Variants in KIF16B observed in about 807,000 individuals in gnomAD.
KIF16B encodes kinesin family member 16B, also known as kinesin-like protein KIF16B.
A neutral mutation model predicts 156.3 loss-of-function variants in KIF16B; 98 were observed. The ratio of observed to expected loss-of-function variants is 0.63; its 90% confidence interval spans 0.53 to 0.74. The LOEUF is 0.74. KIF16B is among the 30% of genes least tolerant of loss of function. KIF16B has a pLI of 0.00. For missense variants in KIF16B, 1,421 were observed against 1,606.5 expected (o/e 0.88, Z 1.97); for synonymous variants, 564 against 583.7 (o/e 0.97, Z 0.49).
At chr20:16,370,542 C>T (rs1436705478) in intron 22 of KIF16B, 44 bp downstream of exon 22, 3 of 1,472,214 alleles carry the variant, frequency 2.0e-6, no homozygotes, top group Non-Finnish European at 2.7e-6. Context: ...ATGAGCATGC[C>T]ATAATTTAAG....
chr20:16,434,405 A>G (rs1276267746), intron 12 of KIF16B, among the ~76,000 whole-genome samples: 1 of 152,174 alleles, frequency 6.6e-6, no homozygotes, highest in Non-Finnish European at 1.5e-5. Context: ...TTTAATCACA[A>G]CCACATCCTT....
intron 1 of KIF16B, among the ~76,000 whole-genome samples, chr20:16,563,292 G>C (rs1312216729): frequency 6.6e-6 from 1 of 152,128 alleles, no homozygotes; most frequent in Non-Finnish European, 1.5e-5. Flanking sequence ...AGCCAGTGCT[G>C]ACCAACCTCC....
At chr20:16,421,266 T>C (rs1212635625) in intron 15 of KIF16B, among the ~76,000 whole-genome samples, 1 of 152,172 alleles carries the variant, frequency 6.6e-6, no homozygotes, top group Non-Finnish European at 1.5e-5. Flanking sequence ...CTACTATATT[T>C]AATGCTGTTC....
At chr20:16,301,871 A>C (rs2063477153) in intron 25 of KIF16B, among the ~76,000 whole-genome samples, 2 of 152,160 alleles carry the variant, frequency 1.3e-5, no homozygotes. Flanking sequence ...GCTGGTCTCG[A>C]ACTCCTGACC....
chr20:16,285,212 A>T (rs1267757716), intron 25 of KIF16B, among the ~76,000 whole-genome samples: 1 of 152,164 alleles, frequency 6.6e-6, no homozygotes, highest in Non-Finnish European at 1.5e-5. Flanking sequence ...AAGATTCTGG[A>T]GTAACCATGC....
intron 5 of KIF16B, 118 bp downstream of exon 5, chr20:16,512,708 G>A (rs1241039288): frequency 1.6e-6 from 1 of 631,652 alleles, no homozygotes; most frequent in East Asian, 2.7e-5. Flanking sequence ...GAGGGGAAAA[G>A]GGAAGACTTT....
At chr20:16,511,876 G>T (rs1420695438) in intron 5 of KIF16B, among the ~76,000 whole-genome samples, 1 of 152,160 alleles carries the variant, frequency 6.6e-6, no homozygotes, top group South Asian at 2.1e-4. Flanking sequence ...TTAGGCCAGG[G>T]GTGGTGGCTC....
chr20:16,423,720 TCTGTACCAGC>T (rs1030125149), intron 15 of KIF16B, among the ~76,000 whole-genome samples: 3 of 152,090 alleles, frequency 2.0e-5, no homozygotes, highest in African/African-American at 7.2e-5. Flanking sequence ...TCATCATAAC[TCTGTACCAGC>T]CTGTACCAGC....
chr20:16,394,606 T>C (rs2065447844), intron 17 of KIF16B, among the ~76,000 whole-genome samples: 3 of 151,734 alleles, frequency 2.0e-5, no homozygotes, highest in Admixed American at 2.0e-4. Flanking sequence ...CCCAATAAAA[T>C]AAACCAGTAG....
chr20:16,343,556 T>C (rs2064178562), intron 23 of KIF16B, among the ~76,000 whole-genome samples: 1 of 152,212 alleles, frequency 6.6e-6, no homozygotes, highest in South Asian at 2.1e-4. Flanking sequence ...TTAGAAGAAA[T>C]AGTCTAATAG....
chr20:16,524,695 T>G (rs1311837263), intron 3 of KIF16B, among the ~76,000 whole-genome samples: 2 of 152,204 alleles, frequency 1.3e-5, no homozygotes, highest in Non-Finnish European at 2.9e-5. Flanking sequence ...CAAAGGATTA[T>G]AAATCATTCT....
At chr20:16,434,044 C>T (rs2066576571) in intron 12 of KIF16B, among the ~76,000 whole-genome samples, 1 of 152,024 alleles carries the variant, frequency 6.6e-6, no homozygotes, top group African/African-American at 2.4e-5. Context: ...AAGATTTTGG[C>T]AACCATGCTT....
intron 25 of KIF16B, among the ~76,000 whole-genome samples, chr20:16,280,118 GT>G (rs973228314): frequency 5.9e-5 from 9 of 152,226 alleles, no homozygotes; most frequent in Non-Finnish European, 1.3e-4. Flanking sequence ...ATGCTTTGGA[GT>G]TACTGGAAAA....
chr20:16,366,958 C>T (rs1476423447), intron 22 of KIF16B: 51 of 1,280,238 alleles, frequency 4.0e-5, no homozygotes, highest in Admixed American at 3.7e-5. Flanking sequence ...TGGGGCTCTG[C>T]TATTAGCTGT....
intron 24 of KIF16B, among the ~76,000 whole-genome samples, chr20:16,332,902 T>C (rs1002481266): frequency 6.6e-6 from 1 of 152,202 alleles, no homozygotes; most frequent in African/African-American, 2.4e-5. Flanking sequence ...AAAAGTATCC[T>C]CAAATTAATG....
chr20:16,527,037 C>G (rs746533362), intron 2 of KIF16B, among the ~76,000 whole-genome samples: 2 of 152,186 alleles, frequency 1.3e-5, no homozygotes, highest in Non-Finnish European at 2.9e-5. Flanking sequence ...AAAGGAGACT[C>G]ATCCAGAGTC....
chr20:16,382,749 C>A (rs1414810621), intron 17 of KIF16B, among the ~76,000 whole-genome samples: 1 of 151,916 alleles, frequency 6.6e-6, no homozygotes, highest in East Asian at 1.9e-4. Flanking sequence ...CCAGCTACCT[C>A]CCCCCACCCC....
At chr20:16,422,639 A>C (rs886460865) in intron 15 of KIF16B, among the ~76,000 whole-genome samples, 1 of 152,180 alleles carries the variant, frequency 6.6e-6, no homozygotes, top group African/African-American at 2.4e-5. Context: ...ATTCCCCCAA[A>C]GTAATCTCAG....
Position 16,481,467 on chromosome 20 carries a change from A to G in KIF16B, c.1302+12824T>C, listed in dbSNP as rs184053015. ...CAGCCTCCCAAAGTGCTGGGATTAA[A>G]GGCGTGAGCTACCACACCTGTCCAA... On this transcript the variant is annotated intron_variant, in intron 12 of 25. Coordinates refer to ENST00000354981, the MANE Select transcript of KIF16B (RefSeq NM_024704.5). Among the ~76,000 whole-genome samples, 21 of 152,286 alleles carry G rather than the reference A, an allele frequency of 1.4e-4. No homozygotes were observed. The East Asian group carries it at 4.1e-3, about 29-fold the overall frequency.
Sources: allele counts gnomAD v4.1 joint callset (sites outside exome capture counted in the v4.1 genomes callset), GRCh38; gene constraint gnomAD v4.1.1; transcripts MANE v1.5; gene names NCBI Gene and HGNC (gene_info 2026-07-23, HGNC 2026-07-21).